UCK2: variants seen among roughly 807,000 people sequenced by gnomAD.
UCK2 encodes uridine-cytidine kinase 2.
Under a neutral mutation model 30.8 loss-of-function variants are expected in UCK2, and 6 were observed. The observed-to-expected ratio is 0.19, with a 90% confidence interval of 0.11 to 0.38. The LOEUF is 0.38. UCK2 is among the 10% of genes least tolerant of loss of function. The probability of loss-of-function intolerance (pLI) is 1.00; values close to 1 mark genes in which losing one functional copy is unlikely to be tolerated. For missense variants in UCK2, 210 were observed against 339.8 expected, an observed-to-expected ratio of 0.62 and a Z score of 3.00; for synonymous variants, 125 against 133.6, an observed-to-expected ratio of 0.94 and a Z score of 0.45.
intron 1 of UCK2, among the ~76,000 whole-genome samples, chr1:165,888,730 C>G (rs1249850426): frequency 6.7e-6 from 1 of 148,870 alleles, no homozygotes; most frequent in Non-Finnish European, 1.5e-5. Flanking sequence ...CAATCCACCC[C>G]CTTCAGCCTC....
intron 1 of UCK2, among the ~76,000 whole-genome samples, chr1:165,837,334 A>G (rs1443931608): frequency 6.6e-6 from 1 of 152,188 alleles, no homozygotes; most frequent in Non-Finnish European, 1.5e-5. Flanking sequence ...TGTAATTGTT[A>G]CCACTGGTCA....
intron 4 of UCK2, among the ~76,000 whole-genome samples, chr1:165,902,196 A>G (rs1647500758): frequency 6.6e-6 from 1 of 152,122 alleles, no homozygotes. Context: ...AGATCGCGCC[A>G]CTGCACTCCA....
At position 165,827,624 on chromosome 1, in the gene UCK2, C is replaced by A. The variant is rs997057042; in HGVS notation, c.-210C>A. The A allele has an allele frequency of 1.3e-4, 48 of 383,814 alleles. No homozygotes were observed. The highest frequency in any genetic ancestry group is 5.1e-4 in the Admixed American group (11 of 21,772). The allele number at this position is 383,814 out of a possible 1,614,324, so 23.8% of individuals were successfully genotyped here. On this transcript the variant is annotated 5_prime_UTR_variant, in exon 1 of 7. Coordinates refer to ENST00000367879, the MANE Select transcript of UCK2 (RefSeq NM_012474.5). The stretch of plus-strand genomic sequence containing the variant: ...ACCTCTGCCTGGGATGTAAACCGGA[C>A]CAGCCGCTGCGGGCAAAGGAAGGCT...
intron 1 of UCK2, among the ~76,000 whole-genome samples, chr1:165,873,623 C>A (rs1335648200): frequency 6.6e-6 from 1 of 152,152 alleles, no homozygotes; most frequent in Non-Finnish European, 1.5e-5. Flanking sequence ...AGTTCATCAT[C>A]AGTAAAACCT....
Position 165,893,335 on chromosome 1 carries a change from A to G in UCK2, c.356+2013A>G, listed in dbSNP as rs78887253. On this transcript the variant is annotated intron_variant, in intron 3 of 6. Transcript: ENST00000367879. ...TTCCTCCTGATTTATCTCATACCTT[A>G]TATTTTAAAACCTTATCCTTTAGTG... is the stretch of plus-strand genomic sequence containing the variant. 9.3e-3 allele frequency among the ~76,000 whole-genome samples: 1,414 copies of G among 152,336 alleles called. 9 individuals are homozygous for G. Among genetic ancestry groups the G allele is most frequent in the Non-Finnish European group, 0.012 (812 of 68,030 alleles).
At chr1:165,883,412 A>T (rs1655548329) in intron 1 of UCK2, among the ~76,000 whole-genome samples, 2 of 152,184 alleles carry the variant, frequency 1.3e-5, no homozygotes, top group South Asian at 4.1e-4. Context: ...TTCAAAAAAG[A>T]CTTCTGATAA....
At chr1:165,832,155 A>G (rs2101846850) in intron 1 of UCK2, among the ~76,000 whole-genome samples, 1 of 152,288 alleles carries the variant, frequency 6.6e-6, no homozygotes, top group Middle Eastern at 3.4e-3. Flanking sequence ...TCTTTTTGTA[A>G]TGGCCTTTAG....
intron 1 of UCK2, among the ~76,000 whole-genome samples, chr1:165,850,870 C>T (rs1045623579): frequency 2.0e-5 from 3 of 151,678 alleles, no homozygotes; most frequent in Non-Finnish European, 4.4e-5. Flanking sequence ...GATCCACCCG[C>T]CTCGGCCTCC....
intron 4 of UCK2, among the ~76,000 whole-genome samples, chr1:165,901,893 T>G (rs1647483585): frequency 6.9e-6 from 1 of 144,946 alleles, no homozygotes; most frequent in Admixed American, 7.0e-5. Context: ...AAGGATCACT[T>G]GAGCCCAAGA....
chr1:165,903,410 G>A (rs1311137846), intron 5 of UCK2, 131 bp downstream of exon 5: 23 of 744,902 alleles, frequency 3.1e-5, no homozygotes, highest in Non-Finnish European at 4.6e-5. Flanking sequence ...CCTCTGTCCT[G>A]AAGTCCTAAG....
intron 1 of UCK2, among the ~76,000 whole-genome samples, chr1:165,828,557 G>A (rs966542782): frequency 6.6e-6 from 1 of 152,234 alleles, no homozygotes; most frequent in Admixed American, 6.5e-5. Context: ...AACGATAATA[G>A]TAGGGGCTTC....
chr1:165,827,976 C>T (rs1653933327), intron 1 of UCK2, 44 bp downstream of exon 1: 51 of 1,252,562 alleles, frequency 4.1e-5, no homozygotes, highest in Middle Eastern at 2.1e-4. Context: ...GGCTTCTGTC[C>T]CTGGGCGGCG....
At chr1:165,865,941 C>G (rs951770761) in intron 1 of UCK2, among the ~76,000 whole-genome samples, 6 of 152,216 alleles carry the variant, frequency 3.9e-5, no homozygotes, top group Non-Finnish European at 5.9e-5. Flanking sequence ...GCAGAAAGAT[C>G]TGATCCGCTT....
Position 165,909,575 on chromosome 1 carries a change from C to T in UCK2, c.*1752C>T, listed in dbSNP as rs1214764592. 1 of 152,232 alleles carries T rather than the reference C, an allele frequency of 6.6e-6. No homozygotes were observed. The highest frequency in any genetic ancestry group is 1.9e-4 in the East Asian group (1 of 5,198). 9.4% of individuals were successfully genotyped at this position (152,232 alleles called of 1,614,324 possible). A position where few individuals can be genotyped will look rare whatever the true frequency, so the allele number is the denominator to read the frequency against. ...AAGTCAAACCTGGTCCCCAGCAGAG[C>T]TTGCCACCCGGAGACTTTCAGGAGA... On this transcript the variant is annotated 3_prime_UTR_variant, in exon 7 of 7. Coordinates refer to ENST00000367879, the MANE Select transcript of UCK2 (RefSeq NM_012474.5).
chr1:165,900,728 A>T (rs1179867193), intron 4 of UCK2: 1 of 152,510 alleles, frequency 6.6e-6, no homozygotes, highest in Non-Finnish European at 1.5e-5. Flanking sequence ...GTTTGTGTGC[A>T]TGTGTGTTTG....
At chr1:165,899,376 A>G (rs748842864) in intron 4 of UCK2, among the ~76,000 whole-genome samples, 13 of 152,108 alleles carry the variant, frequency 8.5e-5, no homozygotes, top group Non-Finnish European at 1.5e-4. Flanking sequence ...CATCTTCCTC[A>G]TCCATCATTC....
intron 1 of UCK2, among the ~76,000 whole-genome samples, chr1:165,866,913 C>T (rs1322579841): frequency 6.6e-6 from 1 of 152,170 alleles, no homozygotes; most frequent in African/African-American, 2.4e-5. Context: ...GTTACTTTCA[C>T]CTTTTGACTG....
At chr1:165,864,932 C>T (rs1373744109) in intron 1 of UCK2, among the ~76,000 whole-genome samples, 1 of 152,136 alleles carries the variant, frequency 6.6e-6, no homozygotes, top group East Asian at 1.9e-4. Context: ...AATTGAGCCT[C>T]CCATCCCAGC....
rs752470426 is a variant in UCK2 at position 165,896,325 on chromosome 1, A to T, written c.492A>T (p.Ser164=). Residue 164 remains serine (S), a synonymous_variant, in exon 4 of 7, where the codon TCA becomes TCT. Coordinates refer to ENST00000367879, the MANE Select transcript of UCK2 (RefSeq NM_012474.5). ...FVDTDADTRL[S]RRVLRDISER... ...ATACAGATGCGGACACCCGGCTCTC[A>T]CGCAGAGGTGCGTTCTAAAAGCCTC... 6 of 1,614,032 alleles carry T rather than the reference A, an allele frequency of 3.7e-6. No individual in the cohort carries two copies. In the South Asian group the frequency reaches 4.4e-5, roughly 12 times the overall value.
Sources: gnomAD v4.1 joint callset for allele counts (sites outside exome capture counted in the v4.1 genomes callset) on GRCh38, gnomAD v4.1.1 for gene constraint, MANE v1.5 for transcripts, NCBI Gene and HGNC (gene_info 2026-07-23, HGNC 2026-07-21) for gene names.